Variants in DNAH2 observed in about 807,000 individuals in gnomAD.
DNAH2 encodes the protein dynein axonemal heavy chain 2, also known as axonemal beta dynein heavy chain 2.
A neutral mutation model predicts 523.5 loss-of-function variants in DNAH2; 323 were observed. The ratio of observed to expected loss-of-function variants is 0.62; its 90% CI spans 0.56 to 0.68. DNAH2 has a LOEUF of 0.68. Among genes scored for constraint, DNAH2 ranks in the 30% least tolerant of loss-of-function variants. The probability of loss-of-function intolerance (pLI) is 0.00; values close to 1 mark genes in which losing one functional copy is unlikely to be tolerated. For synonymous variants in DNAH2, 2,093 were observed against 2,177.4 expected (o/e 0.96, Z 1.08); for missense variants, 4,907 against 5,701.5 (o/e 0.86, Z 4.49).
intron 64 of DNAH2, 121 bp from the exon 65 acceptor site, chr17:7,817,169 G>C (rs2077695517): frequency 2.2e-6 from 3 of 1,364,164 alleles, no homozygotes; most frequent in Non-Finnish European, 9.7e-7. Flanking sequence ...CACAGGTTTA[G>C]GGGAGGGAAA....
chr17:7,749,310 A>C (rs1293013056), intron 12 of DNAH2, among the ~76,000 whole-genome samples: 4 of 72,174 alleles, frequency 5.5e-5, no homozygotes, highest in Non-Finnish European at 9.0e-5. Context: ...CTCCCCCCCA[A>C]AAAAAAAAAA....
rs985449597 is a variant in DNAH2 at position 7,754,027 on chromosome 17, G to A, written c.1905-3064G>A. 6.6e-6 allele frequency among the ~76,000 whole-genome samples: 1 copy of A among 152,056 alleles called. No homozygotes were observed. The highest frequency in any genetic ancestry group is 2.4e-5 in the African/African-American group (1 of 41,396). On this transcript the variant is annotated intron_variant, in intron 12 of 85. Transcript: ENST00000572933. This position sits in a 1 kb window ranked among gnomAD's most constrained non-coding sequence, Gnocchi z 4.6. ...AAGCATCCATGGGGTGGAGTGCTAG[G>A]GGATGCTTGGTGAGTGTGATGAGGG... is the stretch of plus-strand genomic sequence containing the variant.
In DNAH2 at chr17:7,758,571, C is replaced by T; in HGVS notation, c.2128C>T (p.Pro710Ser). 6.2e-7 allele frequency: 1 copy of T among 1,614,120 alleles called. No homozygotes were observed. The highest frequency in any genetic ancestry group is 1.3e-5 in the African/African-American group (1 of 75,024). ...TCGGCTCCTGGATAAGAAGATCCAC[C>T]CGGGACTCAAGAAACTGCACTGGGC... is the stretch of plus-strand genomic sequence containing the variant. The part of the protein sequence containing the change: ...RIRLLDKKIH[P>S]GLKKLHWALK... The change falls in exon 14 of 86, where the codon CCG becomes TCG. Residue 710 changes from proline (P) to serine (S), a missense_variant. Physicochemically the swap from Pro to Ser is moderately conservative, Grantham distance 74 (BLOSUM62 -1). Around this residue, in one of 3 missense-constraint regions of DNAH2, gnomAD observed 2,806 missense variants for 3,190.8 expected, o/e 0.88. Coordinates refer to ENST00000572933, the MANE Select transcript of DNAH2 (RefSeq NM_020877.5).
Position 7,833,084 on chromosome 17 carries a change from T to TCCGGGG in DNAH2, c.12995_13000dup (p.Arg4332_Gly4333dup). The TCCGGGG allele has an allele frequency of 6.2e-7, 1 of 1,613,412 alleles. No homozygotes were observed. The highest frequency in any genetic ancestry group is 8.5e-7 in the Non-Finnish European group (1 of 1,180,024). ...ATTTCTCCCCAGGATGGTGTCTGGG[T>TCCGGGG]CCGGGGCCTGTACCTGGAAGGTGCT... On this transcript the variant is annotated inframe_insertion, in exon 85 of 86. Transcript: ENST00000572933.
At chr17:7,819,633 A>C (rs368558023) in intron 72 of DNAH2, among the ~76,000 whole-genome samples, 3 of 152,180 alleles carry the variant, frequency 2.0e-5, no homozygotes, top group South Asian at 4.1e-4. Context: ...ACTTGTCTAC[A>C]CAACTGTTGG....
At chr17:7,779,699 G>C (rs2151244345) in intron 36 of DNAH2, among the ~76,000 whole-genome samples, 1 of 152,276 alleles carries the variant, frequency 6.6e-6, no homozygotes, top group East Asian at 1.9e-4. Context: ...CTTTAGGCTA[G>C]CTCCAAGAGT....
rs969676814 is a variant in DNAH2, at chr17:7,758,873, G to T, written c.2209-12G>T. The T allele has an allele frequency of 1.2e-6, 2 of 1,612,862 alleles. No individual in the cohort carries two copies. The highest frequency in any genetic ancestry group is 3.3e-5 in the Admixed American group (2 of 60,004). ...CGAGCTGAAACTCCCCCATGACGGG[G>T]CCTGACTCTAGGTGCAGATGATTGT... is the stretch of plus-strand genomic sequence containing the variant. On this transcript the variant is annotated splice_polypyrimidine_tract_variant and intron_variant, in intron 14 of 85. Coordinates refer to ENST00000572933, the MANE Select transcript of DNAH2 (RefSeq NM_020877.5).
At chr17:7,741,118 G>A in intron 11 of DNAH2, 126 bp downstream of exon 11, 2 of 1,237,804 alleles carry the variant, frequency 1.6e-6, no homozygotes, top group Non-Finnish European at 2.2e-6. Context: ...GGGAGTGGCA[G>A]GTCCAGTTCA....
chr17:7,741,380 C>T lies in DNAH2; in HGVS notation c.1689+388C>T, dbSNP rs577659975. On this transcript the variant is annotated intron_variant, in intron 11 of 85. Transcript: ENST00000572933. ...TTCCTTTCTTTTTGTTTTTTTGAGA[C>T]GGAGTCTCACACTGTCGCCCAGGCT... Among the ~76,000 whole-genome samples, 665 of 124,400 alleles carry T rather than the reference C, an allele frequency of 5.3e-3. 5 individuals are homozygous for T. The highest frequency in any genetic ancestry group is 0.018 in the African/African-American group (576 of 32,236). 81.6% of individuals were successfully genotyped at this position (124,400 alleles called of 152,430 possible). A position where few individuals can be genotyped will look rare whatever the true frequency, so the allele number is the denominator to read the frequency against.
At chr17:7,751,920 G>GGGGGGT (rs111751776) in intron 12 of DNAH2, among the ~76,000 whole-genome samples, 2,713 of 145,978 alleles carry the variant, frequency 0.019, 101 homozygotes, top group African/African-American at 0.062. Context: ...ATAGTTGTGG[G>GGGGGGT]GTGTGTGTGT....
rs2075609273 is a variant in DNAH2 at position 7,749,308 on chromosome 17, C to CAAAAAAAAAAAAAAAAAAAAAAATAAAAA, written c.1904+6189_1904+6190insTAAAAAAAAAAAAAAAAAAAAAAAAAAAA. Among the ~76,000 whole-genome samples, 2 of 17,766 alleles carry CAAAAAAAAAAAAAAAAAAAAAAATAAAAA rather than the reference C, an allele frequency of 1.1e-4. 1 individual carries two copies. The highest frequency in any genetic ancestry group is 1.6e-4 in the Non-Finnish European group (2 of 12,386). The allele number at this position is 17,766 out of a possible 152,430, so 11.7% of individuals were successfully genotyped here. On this transcript the variant is annotated intron_variant, in intron 12 of 85. Coordinates refer to ENST00000572933, the MANE Select transcript of DNAH2 (RefSeq NM_020877.5). ...GGGCAACAAGAGCTAAACTCCCCCC[C>CAAAAAAAAAAAAAAAAAAAAAAATAAAAA]AAAAAAAAAAAAAAAAAAAAAAAAA...
intron 39 of DNAH2, among the ~76,000 whole-genome samples, chr17:7,783,527 A>G (rs1011791295): frequency 6.6e-6 from 1 of 152,044 alleles, no homozygotes; most frequent in Non-Finnish European, 1.5e-5. Flanking sequence ...CAAAAACAAA[A>G]CCCTAAGCAA....
intron 2 of DNAH2, among the ~76,000 whole-genome samples, chr17:7,721,586 T>G (rs560454587): frequency 6.6e-6 from 1 of 152,282 alleles, no homozygotes; most frequent in Admixed American, 6.5e-5. Context: ...GTTCCATCTT[T>G]TCACGCCTTC....
chr17:7,806,072 A>G (rs1317819374), intron 61 of DNAH2, among the ~76,000 whole-genome samples: 1 of 152,080 alleles, frequency 6.6e-6, no homozygotes, highest in Non-Finnish European at 1.5e-5. Context: ...TTGACTTAAG[A>G]TTTTTCGTCT....
intron 72 of DNAH2, among the ~76,000 whole-genome samples, chr17:7,820,024 G>A (rs983892820): frequency 3.9e-5 from 6 of 152,062 alleles, no homozygotes; most frequent in Admixed American, 1.3e-4. Context: ...GCCCTGGCTC[G>A]TCTCAAACTC....
At chr17:7,824,770 C>A in intron 77 of DNAH2, 43 bp downstream of exon 77, 1 of 1,409,458 alleles carries the variant, frequency 7.1e-7, no homozygotes, top group South Asian at 1.6e-5. Flanking sequence ...GCCATCTGGT[C>A]CACCTTACCT....
chr17:7,804,584 G>A lies in DNAH2; in HGVS notation c.9183+118G>A, dbSNP rs1307854424. 50 of 1,188,960 alleles carry A rather than the reference G, an allele frequency of 4.2e-5. 1 individual carries two copies. In the East Asian group the frequency reaches 4.7e-4, roughly 11 times the overall value. 73.7% of individuals were successfully genotyped at this position (1,188,960 alleles called of 1,614,324 possible). On this transcript the variant is annotated intron_variant, in intron 59 of 85. Transcript: ENST00000572933. ...TTAGTGACTGGGTGCAGTGGCTCAC[G>A]CCTGTAATCCCAGCACTTTGGGAGG...
chr17:7,772,288 T>C lies in DNAH2; in HGVS notation c.4501+820T>C, dbSNP rs1384834914. On this transcript the variant is annotated intron_variant, in intron 28 of 85. Coordinates refer to ENST00000572933, the MANE Select transcript of DNAH2 (RefSeq NM_020877.5). ...GCTTCATTTTCCCAAGAGCCTTCAG[T>C]ATACACATCAATAAAAATAATTTTA... 2.0e-5 allele frequency among the ~76,000 whole-genome samples: 3 copies of C among 152,172 alleles called. No individual in the cohort carries two copies. The East Asian group carries it at 5.8e-4, about 29-fold the overall frequency.
chr17:7,770,306 A>G lies in DNAH2; in HGVS notation c.3996A>G (p.Glu1332=). ...EIQREFDQES[E]SFTLEQIVEL... is the part of the protein sequence containing the mutation. ...AGCGGGAGTTTGATCAGGAATCTGA[A>G]AGCTTCACCTTGGAGCAGATTGTGG... The change falls in exon 25 of 86, where the codon GAA becomes GAG. Residue 1332 remains glutamate, a synonymous_variant. Coordinates refer to ENST00000572933, the MANE Select transcript of DNAH2 (RefSeq NM_020877.5). 1 of 1,613,890 alleles carries G rather than the reference A, an allele frequency of 6.2e-7. No homozygotes were observed. Among genetic ancestry groups the G allele is most frequent in the Non-Finnish European group, 8.5e-7 (1 of 1,179,936 alleles).
Sources: allele counts gnomAD v4.1 joint callset (sites outside exome capture counted in the v4.1 genomes callset), GRCh38; gene constraint gnomAD v4.1.1; regional missense constraint gnomAD v4.1.1; non-coding constraint Gnocchi (gnomAD v3.1); transcripts MANE v1.5; gene names NCBI Gene and HGNC (gene_info 2026-07-23, HGNC 2026-07-21).